Variants in CDH13 observed in about 807,000 individuals in gnomAD.
The protein encoded by CDH13 is cadherin 13.
A neutral mutation model predicts 63.8 loss-of-function variants in CDH13; 24 were observed. The ratio of observed to expected loss-of-function variants is 0.38; its 90% CI spans 0.27 to 0.53. The LOEUF is 0.53. CDH13 is among the 20% of genes least tolerant of loss of function. The probability of loss-of-function intolerance (pLI) is 0.85; values close to 1 mark genes in which losing one functional copy is unlikely to be tolerated. For synonymous variants in CDH13, 503 were observed against 355.3 expected (o/e 1.42, Z -4.67); for missense variants, 1,049 against 903.1 (o/e 1.16, Z -2.07).
chr16:82,739,837 A>G (rs560387889), intron 1 of CDH13, among the ~76,000 whole-genome samples: 21 of 152,352 alleles, frequency 1.4e-4, no homozygotes, highest in African/African-American at 4.8e-4. Context: ...TCAGAATGCA[A>G]TATTGTGTAA....
intron 1 of CDH13, among the ~76,000 whole-genome samples, chr16:82,802,389 T>C (rs62036796): frequency 0.11 from 16,368 of 152,184 alleles, 1,221 homozygotes; most frequent in East Asian, 0.33. Context: ...TGCTCTTTTC[T>C]GCTTCGCCTG....
At chr16:83,242,623 T>C (rs1259139631) in intron 5 of CDH13, among the ~76,000 whole-genome samples, 1 of 152,120 alleles carries the variant, frequency 6.6e-6, no homozygotes, top group African/African-American at 2.4e-5. Context: ...TGGAGTTAGA[T>C]CAGTGGAAGA....
intron 2 of CDH13, among the ~76,000 whole-genome samples, chr16:82,901,030 T>C (rs2041448901): frequency 6.6e-6 from 1 of 151,664 alleles, no homozygotes; most frequent in Non-Finnish European, 1.5e-5. Flanking sequence ...ATCAAGTTAA[T>C]GCCCCTCATA....
intron 4 of CDH13, among the ~76,000 whole-genome samples, chr16:83,176,955 A>G (rs1423808704): frequency 6.6e-6 from 1 of 152,062 alleles, no homozygotes; most frequent in Non-Finnish European, 1.5e-5. Context: ...AGGAATGGCA[A>G]CTAGAAAGTT....
chr16:82,861,426 C>G (rs1412944805), intron 2 of CDH13, among the ~76,000 whole-genome samples: 1 of 152,226 alleles, frequency 6.6e-6, no homozygotes. Context: ...CTTTGCCTGA[C>G]AGACATAGTA....
intron 4 of CDH13, among the ~76,000 whole-genome samples, chr16:83,144,317 C>A (rs2036656740): frequency 6.6e-6 from 1 of 152,176 alleles, no homozygotes. Flanking sequence ...TAAGTGAACA[C>A]CACCTAACCA....
Position 83,703,853 on chromosome 16 carries a change from G to C in CDH13, c.1538+25392G>C, listed in dbSNP as rs190658989. Reference sequence around the variant, plus strand: ...CCAACATGCCTCTGACTCCATAATAGGCACGAACTCGCAATTACTCCCTGG... The same window carrying C: ...CCAACATGCCTCTGACTCCATAATACGCACGAACTCGCAATTACTCCCTGG... On this transcript the variant is annotated intron_variant, in intron 10 of 13. Coordinates refer to ENST00000567109, the MANE Select transcript of CDH13 (RefSeq NM_001257.5). Among the ~76,000 whole-genome samples the C allele has an allele frequency of 7.1e-4, 108 of 152,164 alleles. 2 individuals carry two copies. The highest frequency in any genetic ancestry group is 1.5e-3 in the Non-Finnish European group (99 of 68,008).
At chr16:82,690,646 A>G (rs555601504) in intron 1 of CDH13, among the ~76,000 whole-genome samples, 2 of 152,338 alleles carry the variant, frequency 1.3e-5, no homozygotes, top group African/African-American at 4.8e-5. Flanking sequence ...ATAGGTGACC[A>G]TTGTACCCAC....
intron 8 of CDH13, among the ~76,000 whole-genome samples, chr16:83,614,896 A>G (rs1405208267): frequency 1.3e-5 from 2 of 152,198 alleles, no homozygotes; most frequent in Non-Finnish European, 2.9e-5. Flanking sequence ...TATTTCAGTA[A>G]AAGTTTAAAA....
At chr16:83,259,405 G>C (rs902932727) in intron 5 of CDH13, among the ~76,000 whole-genome samples, 19 of 152,080 alleles carry the variant, frequency 1.2e-4, no homozygotes, top group African/African-American at 4.6e-4. Context: ...CTGAGCGTGG[G>C]GAGAACAGCC....
intron 12 of CDH13, 32 bp from the exon 13 acceptor site, chr16:83,783,222 C>A: frequency 6.8e-7 from 1 of 1,475,976 alleles, no homozygotes; most frequent in Non-Finnish European, 9.4e-7. Context: ...AAGTCTCATC[C>A]ACTCTCACCA....
At chr16:82,773,449 G>C (rs2035352454) in intron 1 of CDH13, 1 of 152,262 alleles carries the variant, frequency 6.6e-6, no homozygotes, top group Non-Finnish European at 1.5e-5. Context: ...AGTCCTGCAG[G>C]AGGAAATAAT....
At position 83,086,826 on chromosome 16, in the gene CDH13, A is replaced by G. The variant is rs115002455; in HGVS notation, c.367-38559A>G. On this transcript the variant is annotated intron_variant, in intron 3 of 13. Coordinates refer to ENST00000567109, the MANE Select transcript of CDH13 (RefSeq NM_001257.5). The stretch of plus-strand genomic sequence containing the variant: ...TGCTGGAGATAGGAAATTGGCTAAA[A>G]GATCAAATATTGCTGGCATCATGAA... Among the ~76,000 whole-genome samples the G allele has an allele frequency of 6.6e-3, 1,007 of 152,352 alleles. 17 individuals carry two copies. The highest frequency in any genetic ancestry group is 0.022 in the African/African-American group (899 of 41,568).
intron 8 of CDH13, among the ~76,000 whole-genome samples, chr16:83,606,346 G>C (rs1380563836): frequency 6.6e-6 from 1 of 152,078 alleles, no homozygotes; most frequent in Non-Finnish European, 1.5e-5. Flanking sequence ...ATCTGTTTTT[G>C]AAATCTATAT....
rs149664605 is a variant in CDH13 at position 83,716,771 on chromosome 16, C to T, written c.1539-31337C>T. On this transcript the variant is annotated intron_variant, in intron 10 of 13. Transcript: ENST00000567109. The stretch of plus-strand genomic sequence containing the variant: ...TGCTGGGATTATAGGCATGAGCCAC[C>T]GCACCCGCCCTGGCCTCTTTAATGA... Among the ~76,000 whole-genome samples, 683 of 152,276 alleles carry T rather than the reference C, an allele frequency of 4.5e-3. 7 individuals carry two copies. Among genetic ancestry groups the T allele is most frequent in the African/African-American group, 0.015 (609 of 41,556 alleles).
At chr16:83,130,401 A>G (rs1316536197) in intron 4 of CDH13, among the ~76,000 whole-genome samples, 2 of 152,188 alleles carry the variant, frequency 1.3e-5, no homozygotes, top group Non-Finnish European at 2.9e-5. Flanking sequence ...ACTAAGCCCA[A>G]TCTGAGAATA....
Position 82,650,204 on chromosome 16 carries a change from A to G in CDH13, c.45+23067A>G, listed in dbSNP as rs1010131289. On this transcript the variant is annotated intron_variant, in intron 1 of 13. Coordinates refer to ENST00000567109, the MANE Select transcript of CDH13 (RefSeq NM_001257.5). ...TGTTAGTGGAAACTAACCTTCAGCA[A>G]TTGTAATAAATGAGGTACGTGAGGT... Among the ~76,000 whole-genome samples, 8 of 152,200 alleles carry G rather than the reference A, an allele frequency of 5.3e-5. No individual in the cohort carries two copies. The East Asian group carries it at 7.7e-4, about 15-fold the overall frequency.
At chr16:82,746,214 G>A (rs1024409376) in intron 1 of CDH13, among the ~76,000 whole-genome samples, 1 of 87,076 alleles carries the variant, frequency 1.1e-5, no homozygotes, top group African/African-American at 3.2e-5. Flanking sequence ...TAAACACACT[G>A]TTTATATATA....
chr16:83,706,411 G>A (rs913358803), intron 10 of CDH13, among the ~76,000 whole-genome samples: 2 of 152,158 alleles, frequency 1.3e-5, no homozygotes, highest in Non-Finnish European at 2.9e-5. Context: ...TGAACGAGAG[G>A]AGCGTCAGAA....
Sources: allele counts gnomAD v4.1 joint callset (sites outside exome capture counted in the v4.1 genomes callset), GRCh38; gene constraint gnomAD v4.1.1; transcripts MANE v1.5; gene names NCBI Gene and HGNC (gene_info 2026-07-23, HGNC 2026-07-21).